Variants in GGNBP2 observed in about 807,000 individuals in gnomAD.
GGNBP2 encodes gametogenetin-binding protein 2.
A neutral mutation model predicts 85.9 loss-of-function variants in GGNBP2; 10 were observed. The observed-to-expected ratio is 0.12, with a 90% confidence interval of 0.07 to 0.20. The LOEUF (loss-of-function observed/expected upper bound fraction) is 0.20, where lower values mean the gene tolerates loss of function less well. Ranked by LOEUF, GGNBP2 falls within the 10% of genes least tolerant of loss-of-function variation. GGNBP2 has a pLI of 1.00. For missense variants in GGNBP2, 595 were observed against 857.8 expected, an observed-to-expected ratio of 0.69 and a Z score of 3.83; for synonymous variants, 287 against 285.7, an observed-to-expected ratio of 1.00 and a Z score of -0.05.
At chr17:36,556,584 G>T (rs2074363473) in intron 3 of GGNBP2, among the ~76,000 whole-genome samples, 1 of 151,904 alleles carries the variant, frequency 6.6e-6, no homozygotes, top group African/African-American at 2.4e-5. Context: ...CACACCTGTA[G>T]TCCCAGCTAC....
chr17:36,550,086 C>T (rs1015449406), intron 2 of GGNBP2, among the ~76,000 whole-genome samples: 11 of 151,952 alleles, frequency 7.2e-5, no homozygotes, highest in African/African-American at 1.9e-4. Flanking sequence ...TACAGGCGCC[C>T]GCCACCATGC....
At chr17:36,563,999 C>T (rs2074445665) in intron 5 of GGNBP2, among the ~76,000 whole-genome samples, 1 of 152,236 alleles carries the variant, frequency 6.6e-6, no homozygotes, top group African/African-American at 2.4e-5. Context: ...CCGCCTTGGC[C>T]TCCCAAAGTG....
chr17:36,574,728 C>G, intron 6 of GGNBP2: 3 of 630,868 alleles, frequency 4.8e-6, no homozygotes, highest in Non-Finnish European at 2.8e-6. Flanking sequence ...GGCACTGAGA[C>G]GATGCCAGTG....
Position 36,586,854 on chromosome 17 carries a change from G to A in GGNBP2, c.1642-143G>A, listed in dbSNP as rs2074706552. 10 of 758,764 alleles carry A rather than the reference G, an allele frequency of 1.3e-5. No individual in the cohort carries two copies. In the Middle Eastern group the frequency reaches 2.4e-3, roughly 180 times the overall value. 47.0% of individuals were successfully genotyped at this position (758,764 alleles called of 1,614,324 possible). Reference sequence around the variant, plus strand: ...GGCTGGTCTTGAACACTTGACCTCAGGTGATCCACCTGCCTCGGCCTCCCA... The same window carrying A: ...GGCTGGTCTTGAACACTTGACCTCAAGTGATCCACCTGCCTCGGCCTCCCA... On this transcript the variant is annotated intron_variant, in intron 12 of 13. Transcript: ENST00000613102.
chr17:36,570,955 GT>G lies in GGNBP2; in HGVS notation c.641+3182del, dbSNP rs376750061. On this transcript the variant is annotated intron_variant, in intron 6 of 13. Transcript: ENST00000613102. The stretch of plus-strand genomic sequence containing the variant: ...GAATTGCTGGAATCTGGGAGGCAGA[GT>G]TTGCAGTGAGCTGAGATTGTGCTAC... Among the ~76,000 whole-genome samples, 376 of 152,284 alleles carry G rather than the reference GT, an allele frequency of 2.5e-3. 1 individual carries two copies. The highest frequency in any genetic ancestry group is 8.6e-3 in the African/African-American group (358 of 41,566).
intron 3 of GGNBP2, 149 bp from the exon 4 acceptor site, chr17:36,556,933 CT>C (rs2074367882): frequency 1.3e-6 from 1 of 795,408 alleles, no homozygotes; most frequent in African/African-American, 1.7e-5. Flanking sequence ...ACAAAGCTGA[CT>C]ACTTTGCCTT....
At chr17:36,588,777 A>G (rs1323271328) in intron 13 of GGNBP2, among the ~76,000 whole-genome samples, 1 of 152,052 alleles carries the variant, frequency 6.6e-6, no homozygotes, top group Non-Finnish European at 1.5e-5. Context: ...TTAATGTTTA[A>G]AAGTTTTAAT....
At chr17:36,552,004 A>G (rs574092470) in intron 2 of GGNBP2, among the ~76,000 whole-genome samples, 84 of 152,332 alleles carry the variant, frequency 5.5e-4, no homozygotes, top group Admixed American at 1.6e-3. Flanking sequence ...AATAAGGAAT[A>G]TTCTTTGTTT....
Position 36,587,038 on chromosome 17 carries a change from A to C in GGNBP2, c.1683A>C (p.Arg561=). 1 of 1,613,624 alleles carries C rather than the reference A, an allele frequency of 6.2e-7. No homozygotes were observed. Among genetic ancestry groups the C allele is most frequent in the African/African-American group, 1.3e-5 (1 of 74,876 alleles). The change falls in exon 13 of 14, where the codon CGA becomes CGC. Residue 561 remains arginine, a synonymous_variant. Transcript: ENST00000613102. ...GCTGTATTACAGATCCAGGTAATCGAGAGACCTCAGGAAATACCATGCACA... is the reference window on the plus strand; with the variant it reads ...GCTGTATTACAGATCCAGGTAATCGCGAGACCTCAGGAAATACCATGCACA... ...LGSCITDPGN[R]ETSGNTMHTV... is the part of the protein sequence containing the mutation.
chr17:36,563,769 G>C (rs2074442760), intron 5 of GGNBP2, among the ~76,000 whole-genome samples: 3 of 148,414 alleles, frequency 2.0e-5, no homozygotes, highest in African/African-American at 7.4e-5. Flanking sequence ...TTTTGAGATG[G>C]AATTTCCCCT....
chr17:36,550,872 G>A lies in GGNBP2; in HGVS notation c.94-3948G>A, dbSNP rs992317936. Among the ~76,000 whole-genome samples, 87 of 152,168 alleles carry A rather than the reference G, an allele frequency of 5.7e-4. 1 individual carries two copies. Among genetic ancestry groups the A allele is most frequent in the African/African-American group, 1.7e-3 (71 of 41,438 alleles). On this transcript the variant is annotated intron_variant, in intron 2 of 13. Coordinates refer to ENST00000613102, the MANE Select transcript of GGNBP2 (RefSeq NM_024835.5). ...ATTAAGTTAAGGAAGTGGTTTTAAA[G>A]AATGAAGAACAAATTGTGCTACTAG...
At position 36,574,663 on chromosome 17, in the gene GGNBP2, G is replaced by C. The variant is rs2074558743; in HGVS notation, c.642-3320G>C. ...TACCCAGGGCGGCAGTGTAGCCCCT[G>C]GCTAAGGTGTAGCAGTCATCAATAC... On this transcript the variant is annotated intron_variant, in intron 6 of 13. Coordinates refer to ENST00000613102, the MANE Select transcript of GGNBP2 (RefSeq NM_024835.5). 1.2e-5 allele frequency: 7 copies of C among 601,854 alleles called. No individual in the cohort carries two copies. The East Asian group carries it at 2.0e-4, about 17-fold the overall frequency. 37.3% of individuals were successfully genotyped at this position (601,854 alleles called of 1,614,324 possible).
chr17:36,557,387 T>G (rs749289324), intron 4 of GGNBP2, 51 bp downstream of exon 4: 2 of 1,462,238 alleles, frequency 1.4e-6, no homozygotes, highest in Admixed American at 1.8e-5. Context: ...TTAAAACAGC[T>G]TGGTGACAGT....
Position 36,589,446 on chromosome 17 carries a change from T to G in GGNBP2, c.*35T>G, listed in dbSNP as rs1189854045. The G allele has an allele frequency of 2.0e-6, 3 of 1,491,664 alleles. No individual in the cohort carries two copies. Among genetic ancestry groups the G allele is most frequent in the Admixed American group, 3.4e-5 (2 of 59,292 alleles). The allele number at this position is 1,491,664 out of a possible 1,614,324, so 92.4% of individuals were successfully genotyped here. A position where few individuals can be genotyped will look rare whatever the true frequency, so the allele number is the denominator to read the frequency against. ...ATAGCTCTGTCTTTCAATGAAACACTCACGATGACTACTGCGCCTTCTCTT... is the reference window on the plus strand; with the variant it reads ...ATAGCTCTGTCTTTCAATGAAACACGCACGATGACTACTGCGCCTTCTCTT... On this transcript the variant is annotated 3_prime_UTR_variant, in exon 14 of 14. Coordinates refer to ENST00000613102, the MANE Select transcript of GGNBP2 (RefSeq NM_024835.5).
intron 2 of GGNBP2, among the ~76,000 whole-genome samples, chr17:36,552,133 G>A (rs575874078): frequency 6.6e-6 from 1 of 152,252 alleles, no homozygotes; most frequent in South Asian, 2.1e-4. Context: ...ATAAATCAAG[G>A]TATTAGTTAC....
At chr17:36,559,196 G>A (rs543999856) in intron 4 of GGNBP2, among the ~76,000 whole-genome samples, 4 of 126,358 alleles carry the variant, frequency 3.2e-5, no homozygotes, top group Admixed American at 3.2e-4. Context: ...CTACTCAGGA[G>A]GCTGAGACGG....
In GGNBP2 at chr17:36,554,954, C is replaced by T. The variant is rs892292095; in HGVS notation, c.174+54C>T. 28 of 1,070,970 alleles carry T rather than the reference C, an allele frequency of 2.6e-5. No individual in the cohort carries two copies. In the Admixed American group the frequency reaches 4.4e-4, roughly 17 times the overall value. The allele number at this position is 1,070,970 out of a possible 1,614,324, so 66.3% of individuals were successfully genotyped here. ...ATGGTGTATGTGTATTTTAAAGACT[C>T]ATTTAAAATTTAGCTGTATTAATTT... On this transcript the variant is annotated intron_variant, in intron 3 of 13. Coordinates refer to ENST00000613102, the MANE Select transcript of GGNBP2 (RefSeq NM_024835.5).
At chr17:36,551,209 CTTTTT>C (rs67093103) in intron 2 of GGNBP2, among the ~76,000 whole-genome samples, 1 of 145,990 alleles carries the variant, frequency 6.8e-6, no homozygotes, top group African/African-American at 2.5e-5. Context: ...TCTTTATTGA[CTTTTT>C]TTTTTTTTTG....
At chr17:36,585,819 T>C (rs746423438) in intron 10 of GGNBP2, 21 bp from the exon 11 acceptor site, 1 of 1,607,384 alleles carries the variant, frequency 6.2e-7, no homozygotes, top group South Asian at 1.1e-5. Context: ...TAATAGTAAC[T>C]CTCACTTGAT....
Sources: gnomAD v4.1 joint callset for allele counts (sites outside exome capture counted in the v4.1 genomes callset) on GRCh38, gnomAD v4.1.1 for gene constraint, MANE v1.5 for transcripts, NCBI Gene and HGNC (gene_info 2026-07-23, HGNC 2026-07-21) for gene names.